Variants in PCDHA2 observed in about 807,000 individuals in gnomAD.
PCDHA2 encodes the protein protocadherin alpha 2, also known as protocadherin alpha-2.
Under a neutral mutation model 66.0 loss-of-function variants are expected in PCDHA2, and 58 were observed. The ratio of observed to expected loss-of-function variants is 0.88; its 90% CI spans 0.71 to 1.09. The LOEUF is 1.09. Ranked by LOEUF, PCDHA2 falls within the 50% of genes least tolerant of loss-of-function variation. The pLI is 0.00. For synonymous variants in PCDHA2, 634 were observed against 554.0 expected (o/e 1.14, Z -2.03); for missense variants, 1,267 against 1,242.3 (o/e 1.02, Z -0.30).
At chr5:140,830,180 A>G (rs1770875458) in intron 1 of PCDHA2, 1 of 1,613,474 alleles carries the variant, frequency 6.2e-7, no homozygotes, top group South Asian at 1.1e-5. Flanking sequence ...GGTGGATGTC[A>G]ACGTGTACCT....
At chr5:140,850,622 C>G in intron 1 of PCDHA2, 1 of 1,598,590 alleles carries the variant, frequency 6.3e-7, no homozygotes, top group Non-Finnish European at 8.6e-7. Flanking sequence ...CGGTGTCTAG[C>G]CTGTTGGTTC....
intron 1 of PCDHA2, among the ~76,000 whole-genome samples, chr5:140,872,949 C>T (rs547023229): frequency 2.0e-5 from 3 of 152,234 alleles, no homozygotes; most frequent in African/African-American, 2.4e-5. Context: ...TTTCTTTCCA[C>T]GTAGTATCAT....
In PCDHA2 at chr5:140,836,728, C is replaced by G. The variant is rs1286648701; in HGVS notation, c.2388+39376C>G. The stretch of plus-strand genomic sequence containing the variant: ...CCCAGCCTTCCTCAGGGTCCATCCT[C>G]TACAGACAATGTGAGTCATAAATAA... On this transcript the variant is annotated intron_variant, in intron 1 of 3. Transcript: ENST00000526136. 5 of 1,610,268 alleles carry G rather than the reference C, an allele frequency of 3.1e-6. No individual in the cohort carries two copies. The African/African-American group carries it at 5.4e-5, about 17-fold the overall frequency.
At chr5:140,845,981 G>A (rs1025810525) in intron 1 of PCDHA2, among the ~76,000 whole-genome samples, 13 of 149,478 alleles carry the variant, frequency 8.7e-5, no homozygotes, top group Non-Finnish European at 1.9e-4. Context: ...TCAATATTTT[G>A]AATGTTGTGT....
chr5:140,928,105 C>T, intron 1 of PCDHA2: 6 of 1,614,150 alleles, frequency 3.7e-6, no homozygotes, highest in Middle Eastern at 1.6e-4. Flanking sequence ...GCCCCTGGAC[C>T]GGGAGCAGAT....
intron 1 of PCDHA2, chr5:140,869,867 C>T (rs1554163562): frequency 6.2e-7 from 1 of 1,609,988 alleles, no homozygotes; most frequent in East Asian, 2.2e-5. Flanking sequence ...ATGGAAAATG[C>T]TGCTAAAGAA....
chr5:140,875,803 G>C (rs370212231), intron 1 of PCDHA2: 17 of 1,614,218 alleles, frequency 1.1e-5, no homozygotes, highest in Non-Finnish European at 1.4e-5. Context: ...GGTGATCGTG[G>C]ACAGGCCGCT....
chr5:140,878,040 C>T, intron 1 of PCDHA2: 1 of 533,272 alleles, frequency 1.9e-6, no homozygotes, highest in Non-Finnish European at 3.0e-6. Flanking sequence ...ACAATGGAGG[C>T]CATGGAGCAC....
At chr5:141,000,608 A>G (rs1554257700) in intron 3 of PCDHA2, among the ~76,000 whole-genome samples, 2 of 150,664 alleles carry the variant, frequency 1.3e-5, no homozygotes, top group African/African-American at 4.9e-5. Context: ...TTGTATTTTT[A>G]GTAGAGACAG....
chr5:140,927,843 C>G, intron 1 of PCDHA2: 2 of 1,614,186 alleles, frequency 1.2e-6, no homozygotes, highest in Non-Finnish European at 1.7e-6. Flanking sequence ...ACGAAGGTGT[C>G]TTTGGTTTAG....
At chr5:140,804,157 A>AT (rs1763346788) in intron 1 of PCDHA2, 2 of 152,350 alleles carry the variant, frequency 1.3e-5, no homozygotes, top group South Asian at 2.1e-4. Flanking sequence ...CTCAATCCTT[A>AT]TTTTTTACTT....
chr5:140,879,425 T>G (rs547741272), intron 1 of PCDHA2, among the ~76,000 whole-genome samples: 1 of 152,320 alleles, frequency 6.6e-6, no homozygotes, highest in East Asian at 1.9e-4. Flanking sequence ...GGAATGGAGA[T>G]GAACATTTAA....
chr5:140,954,046 G>C (rs1554221229), intron 1 of PCDHA2, among the ~76,000 whole-genome samples: 1 of 152,124 alleles, frequency 6.6e-6, no homozygotes, highest in African/African-American at 2.4e-5. Context: ...TTGGTTTTCT[G>C]TTCCTGCATT....
Position 140,843,706 on chromosome 5 carries a change from T to C in PCDHA2, c.2388+46354T>C, listed in dbSNP as rs147955219. 3.2e-6 allele frequency: 5 copies of C among 1,580,440 alleles called. No homozygotes were observed. In the East Asian group the frequency reaches 1.1e-4, roughly 35 times the overall value. On this transcript the variant is annotated intron_variant, in intron 1 of 3. Transcript: ENST00000526136. ...AAGAGCAAGATTTAAATGTTGATCA[T>C]GGCCTCAAAGTAAGTCCATTTAAAT...
At position 140,857,279 on chromosome 5, in the gene PCDHA2, G is replaced by A. The variant is rs782434219; in HGVS notation, c.2388+59927G>A. 6 of 1,598,610 alleles carry A rather than the reference G, an allele frequency of 3.8e-6. No homozygotes were observed. Among genetic ancestry groups the A allele is most frequent in the Admixed American group, 1.7e-5 (1 of 59,324 alleles). Reference sequence around the variant, plus strand: ...TTACTACTCATTGGTGCTGGACAGCGCTCTGGACCGCGAGAGGGTGTCGGC... The same window carrying A: ...TTACTACTCATTGGTGCTGGACAGCACTCTGGACCGCGAGAGGGTGTCGGC... On this transcript the variant is annotated intron_variant, in intron 1 of 3. Coordinates refer to ENST00000526136, the MANE Select transcript of PCDHA2 (RefSeq NM_018905.3).
chr5:140,824,374 G>A lies in PCDHA2; in HGVS notation c.2388+27022G>A, dbSNP rs1722536546. On this transcript the variant is annotated intron_variant, in intron 1 of 3. Coordinates refer to ENST00000526136, the MANE Select transcript of PCDHA2 (RefSeq NM_018905.3). ...TATTTTATATTAGCATTTGAATTTT[G>A]CATCTCTAAAAATGTAGGATAATAA... 2.5e-5 allele frequency: 14 copies of A among 568,300 alleles called. No individual in the cohort carries two copies. In the South Asian group the frequency reaches 3.2e-4, roughly 13 times the overall value. The allele number at this position is 568,300 out of a possible 1,614,324, so 35.2% of individuals were successfully genotyped here. A position where few individuals can be genotyped will look rare whatever the true frequency, so the allele number is the denominator to read the frequency against.
chr5:140,987,122 G>A (rs1054053197), intron 3 of PCDHA2, among the ~76,000 whole-genome samples: 2 of 151,858 alleles, frequency 1.3e-5, no homozygotes, highest in African/African-American at 4.8e-5. Context: ...GCTGAGGCAG[G>A]AGAATTGCTT....
intron 1 of PCDHA2, among the ~76,000 whole-genome samples, chr5:140,906,089 A>G (rs13182228): frequency 0.33 from 49,632 of 151,980 alleles, 8,394 homozygotes; most frequent in East Asian, 0.53. Flanking sequence ...CCAGACTGAG[A>G]GTAAGTGTGT....
chr5:140,848,947 G>T lies in PCDHA2; in HGVS notation c.2388+51595G>T, dbSNP rs201305186. ...GCGGAATCCAGGCCGCTTGACTCTC[G>T]GTTTCCACTAGAGGGCGCGTCCGAT... is the stretch of plus-strand genomic sequence containing the variant. On this transcript the variant is annotated intron_variant, in intron 1 of 3. Coordinates refer to ENST00000526136, the MANE Select transcript of PCDHA2 (RefSeq NM_018905.3). 2.7e-4 allele frequency: 426 copies of T among 1,606,834 alleles called. 2 individuals are homozygous for T. The highest frequency in any genetic ancestry group is 3.5e-4 in the Non-Finnish European group (408 of 1,176,678).
Sources: gnomAD v4.1 joint callset for allele counts (sites outside exome capture counted in the v4.1 genomes callset) on GRCh38, gnomAD v4.1.1 for gene constraint, MANE v1.5 for transcripts, NCBI Gene and HGNC (gene_info 2026-07-23, HGNC 2026-07-21) for gene names.